The following DCST1 variants were observed in gnomAD, a reference collection of about 807,000 sequenced individuals.
The protein encoded by DCST1 is DC-STAMP domain containing 1, also known as E3 ubiquitin-protein ligase DCST1.
DCST1 carries 78 observed loss-of-function variants against 89.1 expected under a neutral mutation model. The observed-to-expected ratio is 0.88, with a 90% CI of 0.73 to 1.06. The LOEUF (loss-of-function observed/expected upper bound fraction) is 1.06, where lower values mean the gene tolerates loss of function less well. Among genes scored for constraint, DCST1 ranks in the 50% least tolerant of loss-of-function variants. The pLI is 0.00. For synonymous variants in DCST1, 364 were observed against 371.9 expected (o/e 0.98, Z 0.24); for missense variants, 900 against 928.6 (o/e 0.97, Z 0.40).
intron 14 of DCST1, 135 bp downstream of exon 14, chr1:155,047,447 A>G: frequency 2.5e-6 from 2 of 789,708 alleles, no homozygotes; most frequent in Non-Finnish European, 4.1e-6. Context: ...AGCTGGGGAA[A>G]TCGGAGCAGG....
At chr1:155,043,265 G>T (rs1660489510) in intron 9 of DCST1, 87 bp from the exon 10 acceptor site, 1 of 1,591,742 alleles carries the variant, frequency 6.3e-7, no homozygotes, top group African/African-American at 1.3e-5. Flanking sequence ...CACAAGTGGG[G>T]TACTGGGGAA....
chr1:155,042,623 G>A, intron 8 of DCST1, 112 bp from the exon 9 acceptor site: 5 of 1,455,868 alleles, frequency 3.4e-6, no homozygotes, highest in East Asian at 2.3e-5. Flanking sequence ...GCAAGCCATG[G>A]GCAGAGAGAC....
chr1:155,050,365 T>C (rs1027957887), intron 16 of DCST1, among the ~76,000 whole-genome samples: 3 of 152,222 alleles, frequency 2.0e-5, no homozygotes, highest in African/African-American at 7.2e-5. Flanking sequence ...TAAGATGATT[T>C]ACAGGAAAGT....
intron 4 of DCST1, chr1:155,034,943 C>T (rs528090904): frequency 5.6e-5 from 33 of 585,236 alleles, no homozygotes; most frequent in Admixed American, 1.7e-4. Context: ...CTCTCCATTC[C>T]GAGGGACTCC....
intron 13 of DCST1, 61 bp downstream of exon 13, chr1:155,046,547 C>T (rs1366841213): frequency 8.8e-6 from 14 of 1,590,720 alleles, no homozygotes; most frequent in African/African-American, 1.3e-5. Flanking sequence ...AACTCCAATG[C>T]CTGCACAGCC....
At chr1:155,039,601 G>T in intron 5 of DCST1, 70 bp downstream of exon 5, 1 of 1,457,690 alleles carries the variant, frequency 6.9e-7, no homozygotes, top group Non-Finnish European at 9.1e-7. Context: ...TGGGAGCCAG[G>T]CCGGGTGAAG....
At chr1:155,049,331 T>G (rs529966793) in intron 16 of DCST1, 1 of 417,040 alleles carries the variant, frequency 2.4e-6, no homozygotes, top group African/African-American at 2.0e-5. Context: ...CCCTGGGCAG[T>G]GATCACATCT....
chr1:155,047,352 C>T (rs937717041), intron 14 of DCST1, 40 bp downstream of exon 14: 19 of 1,562,868 alleles, frequency 1.2e-5, no homozygotes, highest in Middle Eastern at 1.7e-4. Context: ...GAATCGAGGG[C>T]GGTGGGGCAA....
Position 155,034,711 on chromosome 1 carries a change from C to A in DCST1, c.246C>A (p.Phe82Leu), listed in dbSNP as rs772937499. Residue 82 changes from phenylalanine to leucine, a missense_variant, in exon 4 of 17, where the codon TTC becomes TTA. Transcript: ENST00000295542. ...TCTACGAAGAACAGAAGATTATGTT[C>A]TTGTACAGCTTGGTGGGTTAGTGCT... ...MNIYEEQKIMFLYSLVGLGAM... is the reference protein window; with the variant it reads ...MNIYEEQKIMLLYSLVGLGAM... The A allele has an allele frequency of 1.2e-6, 2 of 1,614,188 alleles. No homozygotes were observed. Among genetic ancestry groups the A allele is most frequent in the Admixed American group, 1.7e-5 (1 of 60,026 alleles).
Position 155,050,768 on chromosome 1 carries a change from G to A in DCST1, c.2021G>A (p.Trp674Ter). 7 of 1,611,648 alleles carry A rather than the reference G, an allele frequency of 4.3e-6. No homozygotes were observed. The highest frequency in any genetic ancestry group is 5.9e-6 in the Non-Finnish European group (7 of 1,179,106). ...GAGGCCGTGTACTGCTGGTCGTGCT[G>A]GGACGACATGCGGCAGCGGTGCCCG... ...DCEAVYCWSC[W>*]DDMRQRCPVC... The change falls in exon 17 of 17, where the codon TGG (tryptophan) becomes TAG (stop). Residue 674 changes from tryptophan (W) to a stop codon, truncating the protein, a stop_gained. Coordinates refer to ENST00000295542, the MANE Select transcript of DCST1 (RefSeq NM_152494.4). LOFTEE classifies it high-confidence loss of function.
chr1:155,046,858 G>A (rs570147862), intron 13 of DCST1, among the ~76,000 whole-genome samples: 4 of 151,958 alleles, frequency 2.6e-5, no homozygotes, highest in South Asian at 2.1e-4. Flanking sequence ...CACCTGCCTC[G>A]GCCACCCAAA....
Position 155,036,696 on chromosome 1 carries a change from C to T in DCST1, c.262+1969C>T, listed in dbSNP as rs531576714. On this transcript the variant is annotated intron_variant, in intron 4 of 16. Transcript: ENST00000295542. ...ATTATAATTCCACTGTGGATGCCTGCGTGTAGCAGGCACTCACACCCTGGC... is the reference window on the plus strand; with the variant it reads ...ATTATAATTCCACTGTGGATGCCTGTGTGTAGCAGGCACTCACACCCTGGC... Among the ~76,000 whole-genome samples the T allele has an allele frequency of 4.6e-5, 7 of 152,386 alleles. No individual in the cohort carries two copies. The East Asian group carries it at 1.2e-3, about 25-fold the overall frequency.
chr1:155,036,700 T>A (rs940362254), intron 4 of DCST1, among the ~76,000 whole-genome samples: 1 of 152,254 alleles, frequency 6.6e-6, no homozygotes, highest in African/African-American at 2.4e-5. Flanking sequence ...TGCCTGCGTG[T>A]AGCAGGCACT....
chr1:155,038,980 C>T (rs1237760854), intron 4 of DCST1, among the ~76,000 whole-genome samples: 1 of 152,188 alleles, frequency 6.6e-6, no homozygotes, highest in Non-Finnish European at 1.5e-5. Flanking sequence ...TGTCTGAGTA[C>T]TGGGAGTACT....
rs1660617361 is a variant in DCST1, at chr1:155,046,199, G to A, written c.1347G>A (p.Gln449=). ...TCTTCCCTTGCAAGCCCACCATCCA[G>A]GCCTCAGAAATGAGCAATGTGGTGA... ...TVIFPCKPTI[Q]ASEMSNVVRE... is the part of the protein sequence containing the mutation. The change falls in exon 12 of 17, where the codon CAG becomes CAA. Residue 449 remains glutamine (Q), a synonymous_variant. Coordinates refer to ENST00000295542, the MANE Select transcript of DCST1 (RefSeq NM_152494.4). 1.2e-6 allele frequency: 2 copies of A among 1,614,206 alleles called. No individual in the cohort carries two copies. Among genetic ancestry groups the A allele is most frequent in the Non-Finnish European group, 1.7e-6 (2 of 1,180,054 alleles).
chr1:155,048,199 G>C, intron 16 of DCST1, 29 bp downstream of exon 16: 1 of 1,595,760 alleles, frequency 6.3e-7, no homozygotes, highest in Non-Finnish European at 8.6e-7. Context: ...GCTGCTGCCA[G>C]CTCCTGGCTG....
At chr1:155,046,258 G>C (rs1660622568) in intron 12 of DCST1, 38 bp downstream of exon 12, 2 of 1,614,016 alleles carry the variant, frequency 1.2e-6, no homozygotes, top group Non-Finnish European at 1.7e-6. Context: ...TGGGTGCAAA[G>C]ACAGGCCTGA....
At chr1:155,039,812 G>A (rs1221110931) in intron 5 of DCST1, among the ~76,000 whole-genome samples, 2 of 151,370 alleles carry the variant, frequency 1.3e-5, no homozygotes, top group African/African-American at 4.9e-5. Context: ...CAGCCATGGT[G>A]AAACCCCATC....
rs543608065 is a variant in DCST1, at chr1:155,036,463, G to A, written c.262+1736G>A. ...GACTTTTAACCTCATCCATTCTCAA[G>A]CATCTTCCCTCCTTATCTTGCCCTC... On this transcript the variant is annotated intron_variant, in intron 4 of 16. Transcript: ENST00000295542. Among the ~76,000 whole-genome samples, 237 of 152,300 alleles carry A rather than the reference G, an allele frequency of 1.6e-3. 2 individuals carry two copies. Among genetic ancestry groups the A allele is most frequent in the African/African-American group, 5.0e-3 (209 of 41,560 alleles).
Sources: gnomAD v4.1 joint callset for allele counts (sites outside exome capture counted in the v4.1 genomes callset) on GRCh38, gnomAD v4.1.1 for gene constraint, MANE v1.5 for transcripts, NCBI Gene and HGNC (gene_info 2026-07-23, HGNC 2026-07-21) for gene names.